Variants in GPATCH8 observed in about 807,000 individuals in gnomAD.
GPATCH8 encodes G patch domain-containing protein 8.
Under a neutral mutation model 118.3 loss-of-function variants are expected in GPATCH8, and 18 were observed. The observed-to-expected ratio is 0.15, with a 90% CI of 0.11 to 0.23. The LOEUF (loss-of-function observed/expected upper bound fraction) is 0.23. Ranked by LOEUF, GPATCH8 falls within the 10% of genes least tolerant of loss-of-function variation. The pLI is 1.00. For missense variants in GPATCH8, 1,631 were observed against 1,873.8 expected (o/e 0.87, Z 2.39); for synonymous variants, 659 against 684.7 (o/e 0.96, Z 0.59).
chr17:44,485,313 C>CAAG (rs1005579359), intron 1 of GPATCH8, among the ~76,000 whole-genome samples: 2 of 152,100 alleles, frequency 1.3e-5, no homozygotes, highest in Non-Finnish European at 2.9e-5. Flanking sequence ...TGGAGTCTTG[C>CAAG]CATGTTCCCA....
chr17:44,479,894 G>A (rs946055278), intron 1 of GPATCH8, among the ~76,000 whole-genome samples: 13 of 151,652 alleles, frequency 8.6e-5, no homozygotes, highest in Non-Finnish European at 1.5e-4. Flanking sequence ...TTGAACCCAG[G>A]AGGCAGAGGT....
chr17:44,423,430 T>C (rs1417049492), intron 6 of GPATCH8, among the ~76,000 whole-genome samples: 1 of 152,162 alleles, frequency 6.6e-6, no homozygotes, highest in Admixed American at 6.5e-5. Flanking sequence ...TGGTCAAAGA[T>C]TGCCTTTTAC....
chr17:44,491,380 T>C (rs2144472513), intron 1 of GPATCH8, among the ~76,000 whole-genome samples: 1 of 151,550 alleles, frequency 6.6e-6, no homozygotes, highest in South Asian at 2.1e-4. Context: ...TCCCAGCTGC[T>C]TGGGAGGCTG....
chr17:44,405,294 C>T (rs1348948217), intron 7 of GPATCH8, among the ~76,000 whole-genome samples: 5 of 151,630 alleles, frequency 3.3e-5, no homozygotes, highest in East Asian at 1.9e-4. Context: ...CCACAACCTC[C>T]GCCTCCCAGG....
intron 5 of GPATCH8, among the ~76,000 whole-genome samples, chr17:44,434,065 G>T (rs113556640): frequency 6.6e-6 from 1 of 151,792 alleles, no homozygotes; most frequent in Non-Finnish European, 1.5e-5. Context: ...ACTTGAACCC[G>T]GGAGCAGTGA....
intron 2 of GPATCH8, chr17:44,473,498 A>T (rs1276321338): frequency 2.0e-5 from 3 of 152,262 alleles, no homozygotes; most frequent in Admixed American, 2.0e-4. Flanking sequence ...TCAAAACACA[A>T]GACTAGGCTT....
At chr17:44,403,645 T>A (rs1173608191) in intron 7 of GPATCH8, among the ~76,000 whole-genome samples, 1 of 152,156 alleles carries the variant, frequency 6.6e-6, no homozygotes, top group African/African-American at 2.4e-5. Context: ...AGCTAACAGC[T>A]TTCCTCAACT....
At position 44,497,073 on chromosome 17, in the gene GPATCH8, A is replaced by AT. The variant is rs146407203; in HGVS notation, c.45+6252dup. ...CACTTAATGCTAAATGGTAATGCTA[A>AT]TATGAAAAGAAAATTAATGCCAGAC... On this transcript the variant is annotated intron_variant, in intron 1 of 7. Coordinates refer to ENST00000591680, the MANE Select transcript of GPATCH8 (RefSeq NM_001002909.4). 3.9e-3 allele frequency among the ~76,000 whole-genome samples: 590 copies of AT among 152,346 alleles called. 1 individual carries two copies. Among genetic ancestry groups the AT allele is most frequent in the African/African-American group, 0.014 (567 of 41,584 alleles).
At chr17:44,466,339 A>C (rs1485753730) in intron 2 of GPATCH8, among the ~76,000 whole-genome samples, 1 of 152,172 alleles carries the variant, frequency 6.6e-6, no homozygotes, top group Non-Finnish European at 1.5e-5. Flanking sequence ...AATTATAACG[A>C]AAAATTTGTT....
intron 6 of GPATCH8, among the ~76,000 whole-genome samples, chr17:44,415,334 T>C (rs2049635189): frequency 6.6e-6 from 1 of 152,200 alleles, no homozygotes; most frequent in Admixed American, 6.5e-5. Flanking sequence ...TCTGAAATAC[T>C]TAGAACTGGA....
intron 5 of GPATCH8, among the ~76,000 whole-genome samples, chr17:44,433,281 A>G (rs1346843522): frequency 6.6e-6 from 1 of 152,230 alleles, no homozygotes; most frequent in Non-Finnish European, 1.5e-5. Flanking sequence ...TTTATATTTC[A>G]GACAGTACAT....
intron 3 of GPATCH8, among the ~76,000 whole-genome samples, chr17:44,441,191 C>T (rs1409974065): frequency 6.6e-6 from 1 of 152,088 alleles, no homozygotes; most frequent in Non-Finnish European, 1.5e-5. Context: ...AGGAATAGAA[C>T]AACTGGGAAG....
chr17:44,464,948 A>ACCG, intron 2 of GPATCH8: 2 of 190,346 alleles, frequency 1.1e-5, no homozygotes, highest in South Asian at 1.0e-4. Flanking sequence ...TTTTTTTTTA[A>ACCG]AGAAAATCTA....
intron 1 of GPATCH8, chr17:44,486,205 T>G (rs1968769261): frequency 6.6e-6 from 1 of 152,216 alleles, no homozygotes; most frequent in South Asian, 2.1e-4. Flanking sequence ...AAAGACTCAG[T>G]TCTTTCACAT....
At position 44,401,323 on chromosome 17, in the gene GPATCH8, C is replaced by T; in HGVS notation, c.754G>A (p.Glu252Lys). 1.9e-6 allele frequency: 3 copies of T among 1,610,538 alleles called. No individual in the cohort carries two copies. The highest frequency in any genetic ancestry group is 2.5e-6 in the Non-Finnish European group (3 of 1,178,188). The change falls in exon 8 of 8, where the codon GAA (glutamate) becomes AAA (lysine). Residue 252 changes from glutamate (E) to lysine (K), a missense_variant. Physicochemically the swap from Glu to Lys is moderately conservative, Grantham distance 56. Transcript: ENST00000591680. The stretch of plus-strand genomic sequence containing the variant: ...GGGCCTCCTTTATCTGTGGAGAATT[C>T]AGATCCCAGGCCACAAGAAGCAGTG... ...GATASCGLGS[E>K]FSTDKGGPFT... is the part of the protein sequence containing the mutation.
chr17:44,398,852 C>A lies in GPATCH8; in HGVS notation c.3225G>T (p.Gly1075=). The A allele has an allele frequency of 6.2e-7, 1 of 1,613,962 alleles. No individual in the cohort carries two copies. Among genetic ancestry groups the A allele is most frequent in the Non-Finnish European group, 8.5e-7 (1 of 1,179,842 alleles). Residue 1075 remains glycine, a synonymous_variant, in exon 8 of 8, where the codon GGG becomes GGT. Coordinates refer to ENST00000591680, the MANE Select transcript of GPATCH8 (RefSeq NM_001002909.4). ...CTTCAGGACTGCAGTCACCTTCTGA[C>A]CCTCTTCCTGTGCCAATGTTGCTGT... ...SQNSNIGTGR[G]SEGDCSPEDK...
intron 7 of GPATCH8, among the ~76,000 whole-genome samples, chr17:44,403,836 G>A (rs912842582): frequency 6.6e-6 from 1 of 152,118 alleles, no homozygotes; most frequent in African/African-American, 2.4e-5. Flanking sequence ...TGGGATTACA[G>A]GCGTACGCCA....
chr17:44,432,880 C>G (rs2144007122), intron 5 of GPATCH8, among the ~76,000 whole-genome samples: 1 of 152,030 alleles, frequency 6.6e-6, no homozygotes, highest in Admixed American at 6.6e-5. Flanking sequence ...TTGCTCTTGC[C>G]CAGGCTGGAG....
rs1024491189 is a variant in GPATCH8, at chr17:44,395,644, A to G, written c.*1924T>C. On this transcript the variant is annotated 3_prime_UTR_variant, in exon 8 of 8. Coordinates refer to ENST00000591680, the MANE Select transcript of GPATCH8 (RefSeq NM_001002909.4). Reference sequence around the variant, plus strand: ...ATGCTTCTGAATCAGATGAGTACTGAACAGGTAGGAGGGTGGGAGGGCAGT... The same window carrying G: ...ATGCTTCTGAATCAGATGAGTACTGGACAGGTAGGAGGGTGGGAGGGCAGT... 3 of 454,052 alleles carry G rather than the reference A, an allele frequency of 6.6e-6. No homozygotes were observed. Among genetic ancestry groups the G allele is most frequent in the African/African-American group, 6.0e-5 (3 of 50,012 alleles). 28.1% of individuals were successfully genotyped at this position (454,052 alleles called of 1,614,324 possible).
Sources: gnomAD v4.1 joint callset for allele counts (sites outside exome capture counted in the v4.1 genomes callset) on GRCh38, gnomAD v4.1.1 for gene constraint, MANE v1.5 for transcripts, NCBI Gene and HGNC (gene_info 2026-07-23, HGNC 2026-07-21) for gene names.